The following NXPH1 variants were observed in gnomAD, a reference collection of about 807,000 sequenced individuals.
The protein encoded by NXPH1 is neurexophilin-1.
In NXPH1, 5 loss-of-function variants were observed where a neutral mutation model predicts 23.7. That is an observed-to-expected ratio of 0.21 (90% CI 0.11 to 0.44). The LOEUF is 0.44. NXPH1 is among the 20% of genes least tolerant of loss of function. NXPH1 has a pLI of 0.99. For synonymous variants in NXPH1, 144 were observed against 122.2 expected (o/e 1.18, Z -1.18); for missense variants, 324 against 321.6 (o/e 1.01, Z -0.06).
chr7:8,688,953 C>T (rs1215692073), intron 2 of NXPH1, among the ~76,000 whole-genome samples: 1 of 151,956 alleles, frequency 6.6e-6, no homozygotes, highest in East Asian at 1.9e-4. Flanking sequence ...TAGGTACCTT[C>T]GTTTTCCATG....
chr7:8,702,830 T>G (rs1779647144), intron 2 of NXPH1, among the ~76,000 whole-genome samples: 1 of 152,224 alleles, frequency 6.6e-6, no homozygotes, highest in Non-Finnish European at 1.5e-5. Flanking sequence ...AGAGTAAAAC[T>G]TAGTTCCTGA....
At chr7:8,485,948 G>T (rs1377604007) in intron 2 of NXPH1, among the ~76,000 whole-genome samples, 2 of 152,072 alleles carry the variant, frequency 1.3e-5, no homozygotes, top group Non-Finnish European at 2.9e-5. Flanking sequence ...ATCTGGCATT[G>T]ACTTTAGTTA....
chr7:8,466,291 TACA>T (rs1816785278), intron 2 of NXPH1, among the ~76,000 whole-genome samples: 1 of 152,220 alleles, frequency 6.6e-6, no homozygotes, highest in Admixed American at 6.5e-5. Flanking sequence ...ATATATTAAA[TACA>T]ACGCTAGTCT....
chr7:8,666,959 T>C (rs1396663328), intron 2 of NXPH1, among the ~76,000 whole-genome samples: 2 of 152,066 alleles, frequency 1.3e-5, no homozygotes, highest in Non-Finnish European at 2.9e-5. Flanking sequence ...TTTAATTTTT[T>C]TGTTCATCTA....
chr7:8,745,451 G>A (rs761783107), intron 2 of NXPH1, among the ~76,000 whole-genome samples: 3 of 130,832 alleles, frequency 2.3e-5, no homozygotes, highest in East Asian at 2.2e-4. Flanking sequence ...GTGGGGGTGG[G>A]TGGAGTAGAG....
intron 2 of NXPH1, among the ~76,000 whole-genome samples, chr7:8,661,474 G>A (rs1475120638): frequency 6.6e-6 from 1 of 152,042 alleles, no homozygotes; most frequent in African/African-American, 2.4e-5. Context: ...TTTTGTTTTG[G>A]GCTTTTAGCA....
chr7:8,498,005 T>C (rs992598439), intron 2 of NXPH1, among the ~76,000 whole-genome samples: 1 of 152,130 alleles, frequency 6.6e-6, no homozygotes, highest in Non-Finnish European at 1.5e-5. Context: ...TTAACCTGTT[T>C]CCTTATAGCA....
intron 2 of NXPH1, among the ~76,000 whole-genome samples, chr7:8,676,915 T>A (rs1820961909): frequency 6.6e-6 from 1 of 152,192 alleles, no homozygotes. Context: ...TACTCATCAC[T>A]CTAAAGTATA....
chr7:8,635,189 G>T (rs1446271676), intron 2 of NXPH1, among the ~76,000 whole-genome samples: 2 of 152,172 alleles, frequency 1.3e-5, no homozygotes, highest in African/African-American at 4.8e-5. Context: ...CGAGGTAGAG[G>T]TAAGCTTGGA....
chr7:8,544,110 C>T (rs755619161), intron 2 of NXPH1, among the ~76,000 whole-genome samples: 7 of 151,552 alleles, frequency 4.6e-5, no homozygotes, highest in South Asian at 4.1e-4. Flanking sequence ...GAAATTTGCC[C>T]GGTAGTTCTA....
At chr7:8,472,883 A>T (rs1816891592) in intron 2 of NXPH1, among the ~76,000 whole-genome samples, 1 of 152,174 alleles carries the variant, frequency 6.6e-6, no homozygotes, top group Admixed American at 6.5e-5. Context: ...GCATTCCTAC[A>T]GGCTTCTAGA....
intron 2 of NXPH1, among the ~76,000 whole-genome samples, chr7:8,540,221 TC>T (rs984560676): frequency 6.6e-6 from 1 of 151,762 alleles, no homozygotes; most frequent in African/African-American, 2.4e-5. Context: ...GAAATAACTC[TC>T]CCAATACCAT....
At position 8,545,762 on chromosome 7, in the gene NXPH1, G is replaced by A. The variant is rs528274316; in HGVS notation, c.54+109995G>A. On this transcript the variant is annotated intron_variant, in intron 2 of 2. Transcript: ENST00000405863. The stretch of plus-strand genomic sequence containing the variant: ...CCAGTGAGCTTATTAACATGCAGTA[G>A]AGAATACAAATGTTCATAACTGATA... 3.3e-4 allele frequency among the ~76,000 whole-genome samples: 50 copies of A among 151,596 alleles called. 1 individual carries two copies. The highest frequency in any genetic ancestry group is 3.0e-5 in the Non-Finnish European group (2 of 67,622).
chr7:8,582,224 A>G (rs1210051474), intron 2 of NXPH1, among the ~76,000 whole-genome samples: 1 of 152,194 alleles, frequency 6.6e-6, no homozygotes, highest in Non-Finnish European at 1.5e-5. Context: ...CCCCAAAGAC[A>G]GTGTCATAGC....
intron 2 of NXPH1, among the ~76,000 whole-genome samples, chr7:8,627,649 A>T (rs980506959): frequency 6.6e-6 from 1 of 152,180 alleles, no homozygotes; most frequent in Non-Finnish European, 1.5e-5. Context: ...TACCGTGGCA[A>T]TGAGATTCAT....
At chr7:8,628,748 A>G (rs887933699) in intron 2 of NXPH1, among the ~76,000 whole-genome samples, 1 of 152,078 alleles carries the variant, frequency 6.6e-6, no homozygotes, top group Non-Finnish European at 1.5e-5. Context: ...TGTTTTCTGG[A>G]TAAATGAAGA....
At chr7:8,598,686 G>A (rs62447877) in intron 2 of NXPH1, among the ~76,000 whole-genome samples, 4,778 of 152,288 alleles carry the variant, frequency 0.031, 119 homozygotes, top group Non-Finnish European at 0.048. Context: ...GCAGTTTACA[G>A]ATAAAATGTA....
At chr7:8,487,270 G>A (rs1817174024) in intron 2 of NXPH1, among the ~76,000 whole-genome samples, 1 of 152,054 alleles carries the variant, frequency 6.6e-6, no homozygotes, top group Non-Finnish European at 1.5e-5. Context: ...TCCCCTGGTG[G>A]GAGGTAACTA....
At chr7:8,694,247 C>T (rs918301061) in intron 2 of NXPH1, among the ~76,000 whole-genome samples, 1 of 152,160 alleles carries the variant, frequency 6.6e-6, no homozygotes, top group Admixed American at 6.5e-5. Context: ...AGTGCAGGTG[C>T]GTGGTGGTCT....
Sources: allele counts gnomAD v4.1 joint callset (sites outside exome capture counted in the v4.1 genomes callset), GRCh38; gene constraint gnomAD v4.1.1; transcripts MANE v1.5; gene names NCBI Gene and HGNC (gene_info 2026-07-23, HGNC 2026-07-21).